DDX25: variants seen among roughly 807,000 people sequenced by gnomAD.
DDX25 encodes DEAD-box helicase 25.
In DDX25, 70 loss-of-function variants were observed where a neutral mutation model predicts 64.6. The observed-to-expected ratio is 1.08, with a 90% CI of 0.89 to 1.32. DDX25 has a LOEUF of 1.32. Among genes scored for constraint, DDX25 ranks in the 40% most tolerant of loss-of-function variants. The probability of loss-of-function intolerance (pLI) is 0.00; values close to 1 mark genes in which losing one functional copy is unlikely to be tolerated. For missense variants in DDX25, 587 were observed against 604.4 expected (o/e 0.97, Z 0.30); for synonymous variants, 211 against 213.3 (o/e 0.99, Z 0.09).
At chr11:125,918,492 G>T in intron 9 of DDX25, 136 bp from the exon 10 acceptor site, 1 of 1,167,636 alleles carries the variant, frequency 8.6e-7, no homozygotes, top group Non-Finnish European at 1.2e-6. Flanking sequence ...AGGCCCTGGA[G>T]GACTGAGGGA....
chr11:125,911,244 G>C (rs1944963582), intron 7 of DDX25, 67 bp from the exon 8 acceptor site: 1 of 1,466,676 alleles, frequency 6.8e-7, no homozygotes, highest in African/African-American at 1.4e-5. Context: ...ATATTGCACT[G>C]CCCTGAACTG....
In DDX25 at chr11:125,927,798, A is replaced by T. The variant is rs1035381367; in HGVS notation, c.*4917A>T. ...CCCCATTCATGAGAGCATTCAATCA[A>T]TCAGAAGATGAATAGTTAATCAGAT... is the stretch of plus-strand genomic sequence containing the variant. On this transcript the variant is annotated 3_prime_UTR_variant, in exon 12 of 12. Coordinates refer to ENST00000263576, the MANE Select transcript of DDX25 (RefSeq NM_013264.5). 1.3e-5 allele frequency: 2 copies of T among 152,150 alleles called. No individual in the cohort carries two copies. Among genetic ancestry groups the T allele is most frequent in the African/African-American group, 4.8e-5 (2 of 41,432 alleles). The allele number at this position is 152,150 out of a possible 1,614,324, so 9.4% of individuals were successfully genotyped here.
In DDX25 at chr11:125,907,540, G is replaced by A. The variant is rs1472881215; in HGVS notation, c.312-656G>A. On this transcript the variant is annotated intron_variant, in intron 4 of 11. Coordinates refer to ENST00000263576, the MANE Select transcript of DDX25 (RefSeq NM_013264.5). ...GGAGAATGGCGTGAACCCGGGAGGT[G>A]GAGCTTGCAGTGAGCTGAGGTCGCG... Among the ~76,000 whole-genome samples, 11 of 152,212 alleles carry A rather than the reference G, an allele frequency of 7.2e-5. No individual in the cohort carries two copies. In the East Asian group the frequency reaches 1.2e-3, roughly 16 times the overall value.
Position 125,924,652 on chromosome 11 carries a change from C to A in DDX25, c.*1771C>A. 1 of 152,302 alleles carries A rather than the reference C, an allele frequency of 6.6e-6. No individual in the cohort carries two copies. Among genetic ancestry groups the A allele is most frequent in the Non-Finnish European group, 1.5e-5 (1 of 68,058 alleles). The allele number at this position is 152,302 out of a possible 1,614,324, so 9.4% of individuals were successfully genotyped here. On this transcript the variant is annotated 3_prime_UTR_variant, in exon 12 of 12. Coordinates refer to ENST00000263576, the MANE Select transcript of DDX25 (RefSeq NM_013264.5). ...AGCTTACCATAATTACCTGGAGAGCCCGGGGAAAAAAATACAGATTTCCTT... is the reference window on the plus strand; with the variant it reads ...AGCTTACCATAATTACCTGGAGAGCACGGGGAAAAAAATACAGATTTCCTT...
chr11:125,904,586 CGCCACCGA>C lies in DDX25; in HGVS notation c.63+10_63+17del. 6.8e-7 allele frequency: 1 copy of C among 1,480,744 alleles called. No homozygotes were observed. The highest frequency in any genetic ancestry group is 2.6e-5 in the East Asian group (1 of 38,426). 91.7% of individuals were successfully genotyped at this position (1,480,744 alleles called of 1,614,324 possible). On this transcript the variant is annotated splice_region_variant and intron_variant, in intron 1 of 11. Coordinates refer to ENST00000263576, the MANE Select transcript of DDX25 (RefSeq NM_013264.5). ...GCGAGCGGCTGAACAGCCACGTAACCGCCACCGAGCCGGGGGGCCACAGCCGCGGGGGT... is the reference window on the plus strand; with the variant it reads ...GCGAGCGGCTGAACAGCCACGTAACCGCCGGGGGGCCACAGCCGCGGGGGT...
rs767136198 is a variant in DDX25, at chr11:125,906,049, C to T, written c.176-25C>T. 4.6e-6 allele frequency: 7 copies of T among 1,527,936 alleles called. No homozygotes were observed. In the Admixed American group the frequency reaches 1.4e-4, roughly 30 times the overall value. The allele number at this position is 1,527,936 out of a possible 1,614,324, so 94.6% of individuals were successfully genotyped here. ...GATGTCATTCAGGAAGCTTGATGTC[C>T]TCTTTTTTATTTTTGCTTTTCTAGT... On this transcript the variant is annotated intron_variant, in intron 3 of 11. Transcript: ENST00000263576.
At chr11:125,906,528 A>C (rs1162059156) in intron 4 of DDX25, among the ~76,000 whole-genome samples, 2 of 152,148 alleles carry the variant, frequency 1.3e-5, no homozygotes, top group African/African-American at 4.8e-5. Flanking sequence ...TTTTCCATGC[A>C]ATCAAAATAT....
At chr11:125,917,761 CAT>C (rs1392037354) in intron 9 of DDX25, among the ~76,000 whole-genome samples, 2 of 152,252 alleles carry the variant, frequency 1.3e-5, no homozygotes, top group Non-Finnish European at 2.9e-5. Context: ...GCACCAAAAA[CAT>C]ATGTGTAGAA....
intron 7 of DDX25, 73 bp downstream of exon 7, chr11:125,910,551 C>T (rs1254029068): frequency 3.1e-6 from 4 of 1,310,596 alleles, no homozygotes; most frequent in South Asian, 1.2e-5. Context: ...TTTTATATAA[C>T]TTCTTGGCAT....
chr11:125,915,055 C>A (rs1031321544), intron 8 of DDX25, among the ~76,000 whole-genome samples: 1 of 152,174 alleles, frequency 6.6e-6, no homozygotes, highest in African/African-American at 2.4e-5. Flanking sequence ...GTGATCCACC[C>A]GCCTCAGGCT....
intron 8 of DDX25, 74 bp downstream of exon 8, chr11:125,911,562 A>C: frequency 7.1e-7 from 1 of 1,416,308 alleles, no homozygotes; most frequent in Non-Finnish European, 9.6e-7. Context: ...ACTCCTCCAC[A>C]TTATCTTTAT....
intron 6 of DDX25, 40 bp downstream of exon 6, chr11:125,908,543 A>C: frequency 2.0e-6 from 3 of 1,536,678 alleles, no homozygotes; most frequent in Non-Finnish European, 2.7e-6. Context: ...TGCTTGCACT[A>C]CCAGTGCTAA....
At chr11:125,907,419 T>G (rs566284217) in intron 4 of DDX25, among the ~76,000 whole-genome samples, 1 of 152,056 alleles carries the variant, frequency 6.6e-6, no homozygotes, top group African/African-American at 2.4e-5. Flanking sequence ...CCATCCTGGC[T>G]AACACAGTGA....
chr11:125,922,903 GC>G lies in DDX25; in HGVS notation c.*23del. 3 of 1,592,052 alleles carry G rather than the reference GC, an allele frequency of 1.9e-6. No individual in the cohort carries two copies. Among genetic ancestry groups the G allele is most frequent in the Non-Finnish European group, 2.6e-6 (3 of 1,167,448 alleles). On this transcript the variant is annotated 3_prime_UTR_variant, in exon 12 of 12. Coordinates refer to ENST00000263576, the MANE Select transcript of DDX25 (RefSeq NM_013264.5). ...TTGAAGAAAGAACTTTATTGTTTGT[GC>G]AGTATCCTAGTTTATGTGAGAATGT... is the stretch of plus-strand genomic sequence containing the variant.
rs1487078547 is a variant in DDX25, at chr11:125,923,079, T to TA, written c.*206dup. ...ATGTGAAGCTTGTGATCCTTTTGAA[T>TA]AAAAAAAAGGCAAGATTATTTCTTA... On this transcript the variant is annotated 3_prime_UTR_variant, in exon 12 of 12. Transcript: ENST00000263576. 54 of 557,664 alleles carry TA rather than the reference T, an allele frequency of 9.7e-5. No individual in the cohort carries two copies. The highest frequency in any genetic ancestry group is 2.0e-4 in the South Asian group (8 of 39,244). The allele number at this position is 557,664 out of a possible 1,614,324, so 34.5% of individuals were successfully genotyped here. A position where few individuals can be genotyped will look rare whatever the true frequency, so the allele number is the denominator to read the frequency against.
intron 9 of DDX25, 86 bp from the exon 10 acceptor site, chr11:125,918,542 C>G (rs762269330): frequency 3.2e-5 from 49 of 1,514,398 alleles, no homozygotes; most frequent in Non-Finnish European, 1.2e-5. Context: ...CTCCCACCCC[C>G]GCCCTGCATG....
At chr11:125,903,838 C>A (rs1047286268), upstream of DDX25, among the ~76,000 whole-genome samples, 3 of 152,044 alleles carry the variant, frequency 2.0e-5, no homozygotes, top group Non-Finnish European at 4.4e-5. Context: ...GGATCTATAC[C>A]GGATTATGCA....
In DDX25 at chr11:125,927,006, C is replaced by T. The variant is rs895753314; in HGVS notation, c.*4125C>T. 1.3e-5 allele frequency: 2 copies of T among 152,292 alleles called. No homozygotes were observed. Among genetic ancestry groups the T allele is most frequent in the Admixed American group, 6.5e-5 (1 of 15,286 alleles). 9.4% of individuals were successfully genotyped at this position (152,292 alleles called of 1,614,324 possible). On this transcript the variant is annotated 3_prime_UTR_variant, in exon 12 of 12. Coordinates refer to ENST00000263576, the MANE Select transcript of DDX25 (RefSeq NM_013264.5). ...GGTCTGGACTTCCCACACCCTCCTT[C>T]GCTGCCCCTCACTGTGTTGCCTGGT...
Position 125,925,040 on chromosome 11 carries a change from T to A in DDX25, c.*2159T>A, listed in dbSNP as rs1384679809. 1 of 162,604 alleles carries A rather than the reference T, an allele frequency of 6.1e-6. No individual in the cohort carries two copies. The highest frequency in any genetic ancestry group is 1.4e-5 in the Non-Finnish European group (1 of 74,024). 10.1% of individuals were successfully genotyped at this position (162,604 alleles called of 1,614,324 possible). The stretch of plus-strand genomic sequence containing the variant: ...ACTTCCTCATTCACTAATAATTTTT[T>A]TTTAGGTTTTCCATCCTAGTTTTGA... On this transcript the variant is annotated 3_prime_UTR_variant, in exon 12 of 12. Transcript: ENST00000263576.
Sources: gnomAD v4.1 joint callset for allele counts (sites outside exome capture counted in the v4.1 genomes callset) on GRCh38, gnomAD v4.1.1 for gene constraint, MANE v1.5 for transcripts, NCBI Gene and HGNC (gene_info 2026-07-23, HGNC 2026-07-21) for gene names.